The following VTI1A variants were observed in gnomAD, a reference collection of about 807,000 sequenced individuals.
VTI1A encodes the protein vesicle transport through interaction with t-SNAREs 1A, also known as vesicle transport through interaction with t-SNAREs homolog 1A.
Under a neutral mutation model 34.9 loss-of-function variants are expected in VTI1A, and 22 were observed. The ratio of observed to expected loss-of-function variants is 0.63; its 90% confidence interval spans 0.45 to 0.90. VTI1A has a LOEUF of 0.90. Ranked by LOEUF, VTI1A falls within the 40% of genes least tolerant of loss-of-function variation. The probability of loss-of-function intolerance (pLI) is 0.00; values close to 1 mark genes in which losing one functional copy is unlikely to be tolerated. For synonymous variants in VTI1A, 87 were observed against 97.3 expected (o/e 0.89, Z 0.62); for missense variants, 268 against 275.6 (o/e 0.97, Z 0.20).
At chr10:112,694,418 A>T (rs1206767911) in intron 7 of VTI1A, among the ~76,000 whole-genome samples, 1 of 151,992 alleles carries the variant, frequency 6.6e-6, no homozygotes, top group Non-Finnish European at 1.5e-5. Context: ...GGACGGACAG[A>T]CTTAATGAAT....
chr10:112,491,392 A>G (rs1848815241), intron 3 of VTI1A, among the ~76,000 whole-genome samples: 1 of 152,188 alleles, frequency 6.6e-6, no homozygotes, highest in Non-Finnish European at 1.5e-5. Context: ...TCTGGACCTC[A>G]GTTTCCTTAT....
chr10:112,519,923 A>G (rs914686803), intron 3 of VTI1A, among the ~76,000 whole-genome samples: 2 of 152,050 alleles, frequency 1.3e-5, no homozygotes, highest in Non-Finnish European at 2.9e-5. Flanking sequence ...TGCTAGGCAG[A>G]TGATATAGAG....
At chr10:112,460,413 G>A (rs1177023763) in intron 1 of VTI1A, 111 bp from the exon 2 acceptor site, 9 of 945,950 alleles carry the variant, frequency 9.5e-6, no homozygotes, top group Non-Finnish European at 1.2e-5. Context: ...TTTGCCTTAT[G>A]TTCTGTAATC....
intron 7 of VTI1A, among the ~76,000 whole-genome samples, chr10:112,760,701 C>T (rs1851431930): frequency 6.6e-6 from 1 of 152,032 alleles, no homozygotes; most frequent in South Asian, 2.1e-4. Context: ...CCAGGCTGGC[C>T]AACATGGTGA....
At chr10:112,714,312 G>A (rs1849531341) in intron 7 of VTI1A, among the ~76,000 whole-genome samples, 1 of 152,066 alleles carries the variant, frequency 6.6e-6, no homozygotes, top group South Asian at 2.1e-4. Flanking sequence ...CTCATCACTC[G>A]ATGCCTTTCC....
chr10:112,544,560 G>A (rs114963579), intron 5 of VTI1A, among the ~76,000 whole-genome samples: 14 of 151,922 alleles, frequency 9.2e-5, no homozygotes, highest in African/African-American at 3.4e-4. Context: ...AGTAAACGAC[G>A]CGAGGTATTC....
chr10:112,464,754 A>G, intron 3 of VTI1A, 97 bp downstream of exon 3: 3 of 1,022,136 alleles, frequency 2.9e-6, no homozygotes, highest in Non-Finnish European at 4.4e-6. Context: ...TTTTGGGCTC[A>G]TGTAGAAGAC....
chr10:112,516,395 T>C (rs998764809), intron 3 of VTI1A, among the ~76,000 whole-genome samples: 11 of 152,132 alleles, frequency 7.2e-5, no homozygotes, highest in African/African-American at 2.4e-4. Context: ...TTTCCCATAG[T>C]ATATTGGCTT....
At chr10:112,615,274 A>G (rs1299909643) in intron 5 of VTI1A, among the ~76,000 whole-genome samples, 2 of 152,220 alleles carry the variant, frequency 1.3e-5, no homozygotes, top group Non-Finnish European at 2.9e-5. Flanking sequence ...TTTTTCTGAG[A>G]TACTATAGAT....
At chr10:112,724,528 C>T (rs900403675) in intron 7 of VTI1A, among the ~76,000 whole-genome samples, 1 of 151,984 alleles carries the variant, frequency 6.6e-6, no homozygotes, top group African/African-American at 2.4e-5. Context: ...GCTGCCCTGA[C>T]CTCTCTTGGG....
intron 3 of VTI1A, among the ~76,000 whole-genome samples, chr10:112,504,154 G>T (rs548620760): frequency 6.6e-6 from 1 of 152,234 alleles, no homozygotes; most frequent in Non-Finnish European, 1.5e-5. Flanking sequence ...GCTAGAGGTG[G>T]TTCTGCCAGT....
At chr10:112,664,534 C>A (rs1420619380) in intron 5 of VTI1A, among the ~76,000 whole-genome samples, 2 of 152,126 alleles carry the variant, frequency 1.3e-5, no homozygotes, top group Non-Finnish European at 2.9e-5. Context: ...GATGTCAGGC[C>A]AGTCCTTTAG....
chr10:112,592,610 A>G (rs1844436146), intron 5 of VTI1A, among the ~76,000 whole-genome samples: 1 of 152,202 alleles, frequency 6.6e-6, no homozygotes, highest in Admixed American at 6.5e-5. Flanking sequence ...CCGTGCTTTG[A>G]TTTACATCCA....
chr10:112,675,685 G>A (rs1848000278), intron 7 of VTI1A, among the ~76,000 whole-genome samples: 1 of 152,152 alleles, frequency 6.6e-6, no homozygotes, highest in African/African-American at 2.4e-5. Context: ...GTCATTGTTA[G>A]GAAATTTTAT....
intron 5 of VTI1A, among the ~76,000 whole-genome samples, chr10:112,614,259 T>C (rs1412795804): frequency 6.6e-6 from 1 of 152,190 alleles, no homozygotes; most frequent in African/African-American, 2.4e-5. Flanking sequence ...GCATCAGGCA[T>C]CTGGCATTAT....
rs190893225 is a variant in VTI1A, at chr10:112,675,789, G to A, written c.560+6791G>A. On this transcript the variant is annotated intron_variant, in intron 7 of 7. Transcript: ENST00000393077. ...ACTCATGTGAAATTTCTATGTATAC[G>A]TCCAGAGGCATATGTCCCAGTAGAT... Among the ~76,000 whole-genome samples, 669 of 152,236 alleles carry A rather than the reference G, an allele frequency of 4.4e-3. 9 individuals carry two copies. The highest frequency in any genetic ancestry group is 4.5e-3 in the Non-Finnish European group (308 of 68,026).
At chr10:112,619,745 G>T (rs1845655875) in intron 5 of VTI1A, among the ~76,000 whole-genome samples, 1 of 152,030 alleles carries the variant, frequency 6.6e-6, no homozygotes, top group Non-Finnish European at 1.5e-5. Flanking sequence ...TTGGAGTGAG[G>T]CTTGGGATAA....
At position 112,537,311 on chromosome 10, in the gene VTI1A, G is replaced by GTATATATATATATATATATATATATA. The variant is rs10682533; in HGVS notation, c.343-933_343-908dup. Among the ~76,000 whole-genome samples the GTATATATATATATATATATATATATA allele has an allele frequency of 4.6e-3, 300 of 65,116 alleles. 36 individuals are homozygous for GTATATATATATATATATATATATATA. Among genetic ancestry groups the GTATATATATATATATATATATATATA allele is most frequent in the Non-Finnish European group, 6.9e-3 (192 of 27,944 alleles). The allele number at this position is 65,116 out of a possible 152,430, so 42.7% of individuals were successfully genotyped here. A position where few individuals can be genotyped will look rare whatever the true frequency, so the allele number is the denominator to read the frequency against. ...CATTTATATATTTCTAAGTATCTAG[G>GTATATATATATATATATATATATATA]TATATATATATATATATATATATAT... On this transcript the variant is annotated intron_variant, in intron 4 of 7. Transcript: ENST00000393077.
At chr10:112,822,411 C>T (rs990093046), downstream of VTI1A, among the ~76,000 whole-genome samples, 3 of 152,112 alleles carry the variant, frequency 2.0e-5, no homozygotes, top group Admixed American at 2.0e-4. Context: ...CGAGAAAGAG[C>T]AGGGAGGCTG....
Sources: allele counts gnomAD v4.1 joint callset (sites outside exome capture counted in the v4.1 genomes callset), GRCh38; gene constraint gnomAD v4.1.1; transcripts MANE v1.5; gene names NCBI Gene and HGNC (gene_info 2026-07-23, HGNC 2026-07-21).